The following TMEFF1 variants were observed in gnomAD, a reference collection of about 807,000 sequenced individuals.
TMEFF1 encodes the protein transmembrane protein with EGF like and two follistatin like domains 1, also known as tomoregulin-1.
Under a neutral mutation model 47.5 loss-of-function variants are expected in TMEFF1, and 20 were observed. That is an observed-to-expected ratio of 0.42 (90% CI 0.30 to 0.61). The LOEUF is 0.61. Ranked by LOEUF, TMEFF1 falls within the 20% of genes least tolerant of loss-of-function variation. The pLI is 0.19. For missense variants in TMEFF1, 411 were observed against 471.1 expected (o/e 0.87, Z 1.18); for synonymous variants, 162 against 166.3 (o/e 0.97, Z 0.20).
intron 1 of TMEFF1, among the ~76,000 whole-genome samples, chr9:100,475,755 GTT>G: frequency 7.0e-6 from 1 of 143,614 alleles, no homozygotes; most frequent in East Asian, 2.0e-4. Flanking sequence ...GTGTGTGTGT[GTT>G]CTTTGGGTTC....
chr9:100,486,795 G>T (rs925109284), intron 1 of TMEFF1, among the ~76,000 whole-genome samples: 12 of 152,026 alleles, frequency 7.9e-5, no homozygotes, highest in Non-Finnish European at 7.4e-5. Context: ...ACCATATCCA[G>T]CTAATTTTTA....
At chr9:100,557,236 A>G (rs578155553) in intron 7 of TMEFF1, among the ~76,000 whole-genome samples, 9 of 151,838 alleles carry the variant, frequency 5.9e-5, no homozygotes, top group Non-Finnish European at 1.2e-4. Flanking sequence ...CTAATTTTAG[A>G]ACATTTTCTA....
At chr9:100,488,527 T>C (rs1024317511) in intron 1 of TMEFF1, among the ~76,000 whole-genome samples, 4 of 152,242 alleles carry the variant, frequency 2.6e-5, no homozygotes, top group African/African-American at 9.6e-5. Context: ...ACAGTTGGTT[T>C]GAGTGCTCAT....
At chr9:100,570,712 G>A (rs1351800243) in intron 8 of TMEFF1, among the ~76,000 whole-genome samples, 3 of 151,936 alleles carry the variant, frequency 2.0e-5, no homozygotes, top group Non-Finnish European at 2.9e-5. Flanking sequence ...AAGTGTCTAG[G>A]AACCTCAGGG....
At chr9:100,560,339 C>T (rs1284480988) in intron 7 of TMEFF1, among the ~76,000 whole-genome samples, 1 of 152,002 alleles carries the variant, frequency 6.6e-6, no homozygotes, top group African/African-American at 2.4e-5. Context: ...TAGTATACTG[C>T]AGGTACGGCT....
chr9:100,483,694 A>G (rs1350016983), intron 1 of TMEFF1, among the ~76,000 whole-genome samples: 1 of 152,208 alleles, frequency 6.6e-6, no homozygotes, highest in Non-Finnish European at 1.5e-5. Flanking sequence ...ATGTTGTAAT[A>G]GTACACCCAG....
At chr9:100,573,181 A>G (rs1839280548) in intron 9 of TMEFF1, among the ~76,000 whole-genome samples, 2 of 152,082 alleles carry the variant, frequency 1.3e-5, no homozygotes, top group African/African-American at 2.4e-5. Flanking sequence ...CATGCAGAAG[A>G]TTTTTAAGCC....
intron 5 of TMEFF1, among the ~76,000 whole-genome samples, chr9:100,541,243 C>T (rs533621250): frequency 6.6e-6 from 1 of 151,848 alleles, no homozygotes; most frequent in Non-Finnish European, 1.5e-5. Context: ...AGCATCAAGT[C>T]ACCTTACCTG....
chr9:100,478,631 T>A (rs1423207920), intron 1 of TMEFF1, among the ~76,000 whole-genome samples: 1 of 152,336 alleles, frequency 6.6e-6, no homozygotes, highest in South Asian at 2.1e-4. Flanking sequence ...ATATCTTTTT[T>A]ATTTATGCTT....
Position 100,561,377 on chromosome 9 carries a change from CTGGTT to C in TMEFF1, c.776-18_776-14del, listed in dbSNP as rs1415307482. ...AGCTTGCGTTTCATTGTTGAACGAT[CTGGTT>C]TATGTTCTTTTAAGATGCTAGTGAT... On this transcript the variant is annotated splice_polypyrimidine_tract_variant and intron_variant, in intron 7 of 9. Transcript: ENST00000374879. 6.2e-7 allele frequency: 1 copy of C among 1,600,258 alleles called. No homozygotes were observed. The highest frequency in any genetic ancestry group is 1.4e-5 in the African/African-American group (1 of 73,898).
chr9:100,513,637 G>T (rs1184357751), intron 4 of TMEFF1, among the ~76,000 whole-genome samples: 1 of 152,002 alleles, frequency 6.6e-6, no homozygotes, highest in African/African-American at 2.4e-5. Context: ...AGGCATTCTT[G>T]TTTCTTGCAT....
chr9:100,537,430 T>C (rs1838536213), intron 5 of TMEFF1, among the ~76,000 whole-genome samples: 1 of 152,226 alleles, frequency 6.6e-6, no homozygotes, highest in South Asian at 2.1e-4. Flanking sequence ...TACATGTAGA[T>C]TCAGAGGCCA....
chr9:100,572,638 G>C lies in TMEFF1; in HGVS notation c.1020G>C (p.Gln340His). The C allele has an allele frequency of 6.2e-7, 1 of 1,612,544 alleles. No homozygotes were observed. Among genetic ancestry groups the C allele is most frequent in the Non-Finnish European group, 8.5e-7 (1 of 1,179,382 alleles). Residue 340 changes from glutamine to histidine, a missense_variant, in exon 9 of 10, where the codon CAG becomes CAC. By Grantham distance (24) the Gln-to-His change is conservative. Coordinates refer to ENST00000374879, the MANE Select transcript of TMEFF1 (RefSeq NM_003692.5). ...TTGCAGCAATTATTGGAGCTGTACA[G>C]ATTGCCATCATAGTAGCAATTGTAA... is the stretch of plus-strand genomic sequence containing the variant. Reference protein sequence around the residue: ...VLIAAIIGAVQIAIIVAIVMC... With the variant: ...VLIAAIIGAVHIAIIVAIVMC...
In TMEFF1 at chr9:100,518,404, A is replaced by G. The variant is rs1317237825; in HGVS notation, c.560+1633A>G. ...GTGTCTATTTATCTGAGAGCTTGCC[A>G]CCACTATTGTTGCAGATACCAGCTC... On this transcript the variant is annotated intron_variant, in intron 5 of 9. Coordinates refer to ENST00000374879, the MANE Select transcript of TMEFF1 (RefSeq NM_003692.5). The G allele has an allele frequency of 7.1e-6, 7 of 983,456 alleles. No individual in the cohort carries two copies. In the African/African-American group the frequency reaches 1.2e-4, roughly 17 times the overall value. The allele number at this position is 983,456 out of a possible 1,614,324, so 60.9% of individuals were successfully genotyped here.
In TMEFF1 at chr9:100,572,613, T is replaced by C. The variant is rs752861656; in HGVS notation, c.995T>C (p.Ile332Thr). ...PSRQKLTHVL[I>T]AAIIGAVQIA... is the part of the protein sequence containing the mutation. The stretch of plus-strand genomic sequence containing the variant: ...AGGCAAAAGCTCACTCATGTTCTTA[T>C]TGCAGCAATTATTGGAGCTGTACAG... The change falls in exon 9 of 10, where the codon ATT (isoleucine) becomes ACT (threonine). Residue 332 changes from isoleucine (I) to threonine (T), a missense_variant. By Grantham distance (89) the Ile-to-Thr change is moderately conservative. Coordinates refer to ENST00000374879, the MANE Select transcript of TMEFF1 (RefSeq NM_003692.5). 10 of 1,613,528 alleles carry C rather than the reference T, an allele frequency of 6.2e-6. No individual in the cohort carries two copies. Among genetic ancestry groups the C allele is most frequent in the Admixed American group, 1.7e-5 (1 of 59,958 alleles).
In TMEFF1 at chr9:100,473,674, C is replaced by T. The variant is rs199581308; in HGVS notation, c.130C>T (p.Pro44Ser). The T allele has an allele frequency of 6.5e-6, 10 of 1,542,986 alleles. No individual in the cohort carries two copies. The East Asian group carries it at 9.9e-5, about 15-fold the overall frequency. Residue 44 changes from proline to serine, a missense_variant, in exon 1 of 10, where the codon CCG becomes TCG. Coordinates refer to ENST00000374879, the MANE Select transcript of TMEFF1 (RefSeq NM_003692.5). This position sits in a 1 kb window ranked among gnomAD's most constrained non-coding sequence, Gnocchi z 5.4. Reference protein sequence around the residue: ...LPGSRASNQPPGGGGGSGGDC... With the variant: ...LPGSRASNQPSGGGGGSGGDC... ...CGGGAGCCGCGCGTCCAACCAGCCC[C>T]CGGGTGGTGGCGGCGGCAGCGGCGG...
chr9:100,574,393 G>A (rs1045399373), intron 9 of TMEFF1, among the ~76,000 whole-genome samples: 1 of 151,986 alleles, frequency 6.6e-6, no homozygotes. Context: ...TGGAGATAGT[G>A]CCTTTATTTG....
chr9:100,550,439 A>G (rs1343388744), intron 7 of TMEFF1, among the ~76,000 whole-genome samples: 3 of 152,160 alleles, frequency 2.0e-5, no homozygotes, highest in Admixed American at 6.5e-5. Context: ...AGATCTCTCA[A>G]TATGTTTTAT....
chr9:100,517,263 G>A (rs889556615), intron 5 of TMEFF1, among the ~76,000 whole-genome samples: 1 of 152,040 alleles, frequency 6.6e-6, no homozygotes, highest in South Asian at 2.1e-4. Context: ...TCATTTTCCT[G>A]TGGTGCTGGC....
Sources: gnomAD v4.1 joint callset for allele counts (sites outside exome capture counted in the v4.1 genomes callset) on GRCh38, gnomAD v4.1.1 for gene constraint, Gnocchi (gnomAD v3.1) non-coding constraint, MANE v1.5 for transcripts, NCBI Gene and HGNC (gene_info 2026-07-23, HGNC 2026-07-21) for gene names.